ROBO1: variants seen among roughly 807,000 people sequenced by gnomAD.
ROBO1 encodes roundabout guidance receptor 1, also known as roundabout homolog 1.
In ROBO1, 149 loss-of-function variants were observed where a neutral mutation model predicts 195.9. The observed-to-expected ratio is 0.76, with a 90% CI of 0.67 to 0.87. ROBO1 has a LOEUF of 0.87. Ranked by LOEUF, ROBO1 falls within the 40% of genes least tolerant of loss-of-function variation. The pLI is 0.00. For missense variants in ROBO1, 1,933 were observed against 2,068.3 expected, an observed-to-expected ratio of 0.93 and a Z score of 1.27; for synonymous variants, 816 against 733.2, an observed-to-expected ratio of 1.11 and a Z score of -1.82.
intron 1 of ROBO1, among the ~76,000 whole-genome samples, chr3:79,617,710 C>A (rs1046863290): frequency 2.0e-5 from 3 of 149,396 alleles, no homozygotes; most frequent in African/African-American, 7.4e-5. Context: ...GGAACCTAAC[C>A]AACAGGGAAT....
chr3:79,256,427 C>G (rs910003723), intron 2 of ROBO1, among the ~76,000 whole-genome samples: 2 of 151,958 alleles, frequency 1.3e-5, no homozygotes, highest in Non-Finnish European at 2.9e-5. Flanking sequence ...GAACAAGTTA[C>G]AAGTTAGTAT....
chr3:79,230,379 T>C (rs762267067), intron 2 of ROBO1, among the ~76,000 whole-genome samples: 3 of 152,154 alleles, frequency 2.0e-5, no homozygotes, highest in Non-Finnish European at 4.4e-5. Context: ...TTGTCTCTAG[T>C]AGATTGCTGC....
chr3:79,300,064 C>T (rs1340247586), intron 2 of ROBO1, among the ~76,000 whole-genome samples: 1 of 152,230 alleles, frequency 6.6e-6, no homozygotes, highest in Admixed American at 6.5e-5. Flanking sequence ...GTGCTGGCAG[C>T]CCTCAGCCCT....
intron 2 of ROBO1, among the ~76,000 whole-genome samples, chr3:79,517,478 C>T (rs1316464684): frequency 2.0e-5 from 3 of 152,124 alleles, no homozygotes; most frequent in Non-Finnish European, 4.4e-5. Context: ...GCCTATTAAC[C>T]TTTAAATATT....
chr3:78,845,529 A>G (rs1481019295), intron 4 of ROBO1, among the ~76,000 whole-genome samples: 1 of 152,146 alleles, frequency 6.6e-6, no homozygotes, highest in African/African-American at 2.4e-5. Flanking sequence ...ACACACATAT[A>G]TTTCCTAATG....
intron 4 of ROBO1, among the ~76,000 whole-genome samples, chr3:78,892,528 G>T (rs1376308650): frequency 6.6e-6 from 1 of 152,124 alleles, no homozygotes; most frequent in Non-Finnish European, 1.5e-5. Flanking sequence ...TAATTGTAGG[G>T]ATCTTTACAA....
At chr3:78,970,243 T>C (rs1027859097) in intron 3 of ROBO1, among the ~76,000 whole-genome samples, 2 of 152,176 alleles carry the variant, frequency 1.3e-5, no homozygotes, top group Non-Finnish European at 1.5e-5. Context: ...GTAGGACTGA[T>C]AATAATATTT....
chr3:79,529,494 C>T (rs1353739795), intron 2 of ROBO1, among the ~76,000 whole-genome samples: 1 of 151,918 alleles, frequency 6.6e-6, no homozygotes, highest in African/African-American at 2.4e-5. Flanking sequence ...CAAACAACAA[C>T]AATAAAAAAA....
At chr3:78,883,360 C>A (rs925232053) in intron 4 of ROBO1, among the ~76,000 whole-genome samples, 4 of 151,990 alleles carry the variant, frequency 2.6e-5, no homozygotes, top group African/African-American at 9.7e-5. Flanking sequence ...CCTGACTACA[C>A]CTGTTTGTCT....
At chr3:79,340,234 A>AAGT (rs1271186925) in intron 2 of ROBO1, among the ~76,000 whole-genome samples, 1 of 152,144 alleles carries the variant, frequency 6.6e-6, no homozygotes, top group Non-Finnish European at 1.5e-5. Context: ...CTCAATCCAA[A>AAGT]AGTCATATCT....
intron 3 of ROBO1, among the ~76,000 whole-genome samples, chr3:79,054,537 A>G (rs1482499977): frequency 6.6e-6 from 1 of 152,118 alleles, no homozygotes; most frequent in Non-Finnish European, 1.5e-5. Flanking sequence ...AGACACCCAC[A>G]GAGCTATTCT....
chr3:78,684,357 A>G (rs191475705), intron 10 of ROBO1, among the ~76,000 whole-genome samples: 9 of 152,272 alleles, frequency 5.9e-5, no homozygotes, highest in African/African-American at 1.9e-4. Flanking sequence ...TAAAAGTCAG[A>G]AAAGTTATTA....
chr3:79,127,436 G>A (rs1213845948), intron 2 of ROBO1, among the ~76,000 whole-genome samples: 1 of 152,180 alleles, frequency 6.6e-6, no homozygotes, highest in Admixed American at 6.5e-5. Context: ...AATGTGTTTA[G>A]AATCACTTTA....
intron 4 of ROBO1, among the ~76,000 whole-genome samples, chr3:78,858,305 AC>A (rs768117749): frequency 1.4e-4 from 22 of 151,978 alleles, no homozygotes; most frequent in Non-Finnish European, 2.2e-4. Flanking sequence ...GTCATCTCAG[AC>A]CCCTCCTTCA....
At chr3:79,053,967 T>C (rs1183797841) in intron 3 of ROBO1, among the ~76,000 whole-genome samples, 1 of 152,142 alleles carries the variant, frequency 6.6e-6, no homozygotes. Flanking sequence ...TGGTCTTACT[T>C]CTCTTTATGT....
At chr3:79,302,535 T>C (rs1184706558) in intron 2 of ROBO1, among the ~76,000 whole-genome samples, 1 of 152,198 alleles carries the variant, frequency 6.6e-6, no homozygotes, top group Non-Finnish European at 1.5e-5. Flanking sequence ...TCAATCAAAT[T>C]GTGATCAGTT....
chr3:79,714,928 A>G (rs1166306042), intron 1 of ROBO1, among the ~76,000 whole-genome samples: 1 of 151,516 alleles, frequency 6.6e-6, no homozygotes, highest in Non-Finnish European at 1.5e-5. Flanking sequence ...CAGCACACCA[A>G]CATGGCACAT....
chr3:78,903,977 T>C (rs1162082022), intron 4 of ROBO1, among the ~76,000 whole-genome samples: 1 of 152,074 alleles, frequency 6.6e-6, no homozygotes, highest in African/African-American at 2.4e-5. Flanking sequence ...AAAAAAATTT[T>C]CTTATCTCAG....
intron 4 of ROBO1, among the ~76,000 whole-genome samples, chr3:78,919,275 C>T (rs1345611033): frequency 2.0e-5 from 3 of 152,168 alleles, no homozygotes; most frequent in African/African-American, 7.2e-5. Flanking sequence ...CAAGGCCAGA[C>T]TGAAATACTA....
Sources: gnomAD v4.1 joint callset for allele counts (sites outside exome capture counted in the v4.1 genomes callset) on GRCh38, gnomAD v4.1.1 for gene constraint, MANE v1.5 for transcripts, NCBI Gene and HGNC (gene_info 2026-07-23, HGNC 2026-07-21) for gene names.